OCA2: variants seen among roughly 807,000 people sequenced by gnomAD.
OCA2 encodes P protein.
In OCA2, 77 loss-of-function variants were observed where a neutral mutation model predicts 100.2. The ratio of observed to expected loss-of-function variants is 0.77; its 90% CI spans 0.64 to 0.93. OCA2 has a LOEUF of 0.93. Among genes scored for constraint, OCA2 ranks in the 40% least tolerant of loss-of-function variants. OCA2 has a pLI of 0.00. For missense variants in OCA2, 1,062 were observed against 1,089.1 expected, an observed-to-expected ratio of 0.98 and a Z score of 0.35; for synonymous variants, 432 against 439.2, an observed-to-expected ratio of 0.98 and a Z score of 0.21.
intron 23 of OCA2, among the ~76,000 whole-genome samples, chr15:27,777,947 T>C (rs1344895843): frequency 6.6e-6 from 1 of 152,218 alleles, no homozygotes; most frequent in African/African-American, 2.4e-5. Context: ...AAGTCTGGAA[T>C]AATAAAGGCA....
At chr15:27,909,610 C>T (rs12593437) in intron 19 of OCA2, among the ~76,000 whole-genome samples, 87,994 of 151,910 alleles carry the variant, frequency 0.58, 26,739 homozygotes, top group East Asian at 0.96. Flanking sequence ...ATATGAAAAG[C>T]TAATGTAGGA....
the OCA2 span, among the ~76,000 whole-genome samples, chr15:27,733,289 T>C: frequency 1.3e-5 from 2 of 152,232 alleles, no homozygotes; most frequent in African/African-American, 4.8e-5. Flanking sequence ...ATCCTTCCTG[T>C]AATAGAAACC....
intron 1 of OCA2, among the ~76,000 whole-genome samples, chr15:28,091,846 C>T (rs1006838367): frequency 6.6e-6 from 1 of 152,054 alleles, no homozygotes; most frequent in Non-Finnish European, 1.5e-5. Context: ...ACCCCAGCTA[C>T]TTGGGAGGCT....
intron 20 of OCA2, 52 bp from the exon 21 acceptor site, chr15:27,871,310 C>G: frequency 7.2e-7 from 1 of 1,394,092 alleles, no homozygotes; most frequent in Non-Finnish European, 1.0e-6. Flanking sequence ...CACTTAGGGT[C>G]AGACCCACCA....
chr15:27,772,392 T>G (rs774259993), intron 23 of OCA2, among the ~76,000 whole-genome samples: 1 of 152,246 alleles, frequency 6.6e-6, no homozygotes, highest in Non-Finnish European at 1.5e-5. Context: ...ATTTTTATTT[T>G]GCAATTAATG....
intron 4 of OCA2, 149 bp downstream of exon 4, chr15:28,027,722 A>T: frequency 1.2e-6 from 1 of 820,840 alleles, no homozygotes; most frequent in Non-Finnish European, 2.0e-6. Context: ...AGGTAAAAAT[A>T]AATCACCTTG....
chr15:27,824,860 C>A (rs1482500285), intron 23 of OCA2, among the ~76,000 whole-genome samples: 1 of 151,682 alleles, frequency 6.6e-6, no homozygotes, highest in African/African-American at 2.4e-5. Context: ...TCCGTGGATG[C>A]CAACAGTGAA....
intron 23 of OCA2, among the ~76,000 whole-genome samples, chr15:27,840,370 A>G (rs1414353161): frequency 1.3e-5 from 2 of 152,264 alleles, no homozygotes; most frequent in Non-Finnish European, 2.9e-5. Flanking sequence ...CAAGGGGGAA[A>G]TAACCACCAA....
At chr15:27,823,954 A>G (rs1248054405) in intron 23 of OCA2, among the ~76,000 whole-genome samples, 1 of 151,936 alleles carries the variant, frequency 6.6e-6, no homozygotes, top group African/African-American at 2.4e-5. Context: ...TAAGACTACA[A>G]ATAGCAATCT....
chr15:27,770,409 C>T (rs1239791369), intron 23 of OCA2, among the ~76,000 whole-genome samples: 1 of 152,198 alleles, frequency 6.6e-6, no homozygotes, highest in Non-Finnish European at 1.5e-5. Context: ...CCGTCTCCGC[C>T]GGCAGAAGAG....
chr15:27,930,064 G>A (rs1028038649), intron 18 of OCA2, among the ~76,000 whole-genome samples: 3 of 152,084 alleles, frequency 2.0e-5, no homozygotes, highest in East Asian at 1.9e-4. Context: ...CAACCATTCC[G>A]GAAAACAGCG....
intron 23 of OCA2, among the ~76,000 whole-genome samples, chr15:27,832,293 C>T (rs548527574): frequency 3.9e-5 from 6 of 152,298 alleles, no homozygotes; most frequent in East Asian, 1.9e-4. Flanking sequence ...CTGGCCTCCC[C>T]GGGGCCACTC....
At chr15:28,098,495 A>T (rs968496219) in intron 1 of OCA2, among the ~76,000 whole-genome samples, 5 of 152,028 alleles carry the variant, frequency 3.3e-5, no homozygotes, top group Admixed American at 6.6e-5. Context: ...TCTTTTCCTC[A>T]GAATCACTCA....
chr15:27,988,802 G>C (rs1289774316), intron 11 of OCA2, among the ~76,000 whole-genome samples: 3 of 152,292 alleles, frequency 2.0e-5, no homozygotes, highest in African/African-American at 7.2e-5. Flanking sequence ...GTTACTCTGT[G>C]AAGCCAGGGT....
chr15:27,796,940 C>G (rs924595006), intron 23 of OCA2, among the ~76,000 whole-genome samples: 2 of 152,128 alleles, frequency 1.3e-5, no homozygotes, highest in Non-Finnish European at 2.9e-5. Context: ...GTGTTTTTGT[C>G]CAGCAGATGG....
At chr15:27,963,149 T>C (rs2040460910) in intron 15 of OCA2, among the ~76,000 whole-genome samples, 1 of 152,074 alleles carries the variant, frequency 6.6e-6, no homozygotes. Flanking sequence ...AATAATAGAA[T>C]TACAAAGAGA....
At chr15:27,882,082 G>T (rs1302197063) in intron 19 of OCA2, among the ~76,000 whole-genome samples, 1 of 152,096 alleles carries the variant, frequency 6.6e-6, no homozygotes, top group Non-Finnish European at 1.5e-5. Context: ...TGGTTTCAAA[G>T]AACTTCTTGA....
intron 10 of OCA2, 74 bp downstream of exon 10, chr15:27,990,502 C>A: frequency 6.8e-7 from 1 of 1,466,158 alleles, no homozygotes; most frequent in Non-Finnish European, 9.6e-7. Flanking sequence ...CCAGCGAAAG[C>A]CTGAATCCTG....
At chr15:27,909,829 A>G (rs1055280512) in intron 19 of OCA2, among the ~76,000 whole-genome samples, 16 of 152,246 alleles carry the variant, frequency 1.1e-4, no homozygotes, top group Non-Finnish European at 2.9e-5. Context: ...GCCTTTCTAT[A>G]TAAAACTGAA....
Sources: allele counts gnomAD v4.1 joint callset (sites outside exome capture counted in the v4.1 genomes callset), GRCh38; gene constraint gnomAD v4.1.1; transcripts MANE v1.5; gene names NCBI Gene and HGNC (gene_info 2026-07-23, HGNC 2026-07-21).